The following FNDC3A variants were observed in gnomAD, a reference collection of about 807,000 sequenced individuals.
FNDC3A encodes the protein fibronectin type-III domain-containing protein 3A.
In FNDC3A, 32 loss-of-function variants were observed where a neutral mutation model predicts 148.9. The ratio of observed to expected loss-of-function variants is 0.21; its 90% CI spans 0.16 to 0.29. The LOEUF is 0.29. FNDC3A is among the 10% of genes least tolerant of loss of function. FNDC3A has a pLI of 1.00. For synonymous variants in FNDC3A, 472 were observed against 473.6 expected, an observed-to-expected ratio of 1.00 and a Z score of 0.04; for missense variants, 1,191 against 1,452.8, an observed-to-expected ratio of 0.82 and a Z score of 2.93.
intron 23 of FNDC3A, among the ~76,000 whole-genome samples, chr13:49,199,867 G>T (rs1022143508): frequency 1.3e-5 from 2 of 152,064 alleles, no homozygotes; most frequent in African/African-American, 4.8e-5. Context: ...ATTTCATTCA[G>T]GTTCTTTCTG....
intron 3 of FNDC3A, among the ~76,000 whole-genome samples, chr13:49,083,402 G>A (rs1306157860): frequency 1.3e-5 from 2 of 152,170 alleles, no homozygotes; most frequent in Non-Finnish European, 2.9e-5. Context: ...AATCCCATTT[G>A]CAAAAGGGAA....
intron 19 of FNDC3A, among the ~76,000 whole-genome samples, chr13:49,192,671 T>A (rs559464410): frequency 6.6e-6 from 1 of 152,322 alleles, no homozygotes; most frequent in East Asian, 1.9e-4. Context: ...AGAAGCCATC[T>A]TGTCAGCCTC....
chr13:49,174,432 T>C lies in FNDC3A; in HGVS notation c.1231-3T>C, dbSNP rs750198512. ...GTATATAATAATCAGCCATTTCTTG[T>C]AGGGAAAAGGAAATGGAGAATTTTG... On this transcript the variant is annotated splice_region_variant and splice_polypyrimidine_tract_variant and intron_variant, in intron 11 of 25. Transcript: ENST00000492622. The C allele has an allele frequency of 1.9e-6, 3 of 1,608,998 alleles. No homozygotes were observed. The highest frequency in any genetic ancestry group is 1.7e-5 in the Admixed American group (1 of 59,844).
At chr13:49,118,923 C>T (rs139921466) in intron 4 of FNDC3A, among the ~76,000 whole-genome samples, 5 of 152,278 alleles carry the variant, frequency 3.3e-5, no homozygotes, top group South Asian at 2.1e-4. Context: ...CAAGTGTGGG[C>T]ACAGCTTCAG....
chr13:49,098,056 C>T (rs989828134), intron 3 of FNDC3A, among the ~76,000 whole-genome samples: 8 of 152,006 alleles, frequency 5.3e-5, no homozygotes, highest in Non-Finnish European at 8.8e-5. Flanking sequence ...ATTCAGATGG[C>T]TAGTAGAACC....
intron 23 of FNDC3A, chr13:49,201,136 C>A: frequency 3.4e-6 from 1 of 294,702 alleles, no homozygotes. Context: ...ATTTTAGAAA[C>A]ATCCAATCAA....
At chr13:49,067,444 A>C (rs1877340022) in intron 2 of FNDC3A, among the ~76,000 whole-genome samples, 1 of 152,214 alleles carries the variant, frequency 6.6e-6, no homozygotes, top group South Asian at 2.1e-4. Flanking sequence ...CAGAATTTTG[A>C]GGAATCATTG....
chr13:49,047,023 T>C (rs901363885), intron 2 of FNDC3A, among the ~76,000 whole-genome samples: 3 of 151,906 alleles, frequency 2.0e-5, no homozygotes, highest in African/African-American at 7.3e-5. Context: ...GTCCCCTGAG[T>C]CCCCAAAATC....
At chr13:48,986,356 G>A (rs1302178279) in intron 1 of FNDC3A, among the ~76,000 whole-genome samples, 1 of 144,360 alleles carries the variant, frequency 6.9e-6, no homozygotes. Context: ...AGAAGCTTAA[G>A]AGGAAGACAG....
chr13:49,158,540 T>C (rs1379936923), intron 8 of FNDC3A, among the ~76,000 whole-genome samples: 1 of 152,196 alleles, frequency 6.6e-6, no homozygotes, highest in African/African-American at 2.4e-5. Flanking sequence ...CATCTTCGAT[T>C]GCAAAAATTT....
At chr13:49,037,252 G>C (rs549932947) in intron 2 of FNDC3A, among the ~76,000 whole-genome samples, 1 of 152,314 alleles carries the variant, frequency 6.6e-6, no homozygotes, top group African/African-American at 2.4e-5. Flanking sequence ...GCCAGTCACT[G>C]TTCTATGCAC....
chr13:49,115,247 A>G (rs1029004665), intron 4 of FNDC3A, among the ~76,000 whole-genome samples: 4 of 152,100 alleles, frequency 2.6e-5, no homozygotes, highest in Non-Finnish European at 5.9e-5. Context: ...TTTATGCATA[A>G]TGACTGGGAA....
chr13:49,110,381 C>T, intron 3 of FNDC3A: 1 of 1,611,600 alleles, frequency 6.2e-7, no homozygotes, highest in Non-Finnish European at 8.5e-7. Flanking sequence ...TTGTTCTCTG[C>T]TGCTACTGTA....
chr13:49,187,124 C>T lies in FNDC3A; in HGVS notation c.1759C>T (p.Pro587Ser), dbSNP rs778823230. The T allele has an allele frequency of 6.2e-6, 10 of 1,610,214 alleles. No homozygotes were observed. The highest frequency in any genetic ancestry group is 8.5e-6 in the Non-Finnish European group (10 of 1,177,508). ...TACTACTTTGCTTCTTTGGATAGAT[C>T]CACCAAAAGACAATGGCGGAGCAAC... ...HSHSFKITWD[P>S]PKDNGGATIN... is the part of the protein sequence containing the mutation. Residue 587 changes from proline (P) to serine (S), a missense_variant and splice_region_variant, in exon 16 of 26, where the codon CCA (proline) becomes TCA (serine). Physicochemically the swap from Pro to Ser is moderately conservative, Grantham distance 74 (BLOSUM62 -1). This residue lies in a region of FNDC3A where 751 missense variants were observed against 944.0 expected (regional missense o/e 0.80). Transcript: ENST00000492622.
At chr13:48,981,132 T>A (rs1441930463) in intron 1 of FNDC3A, among the ~76,000 whole-genome samples, 1 of 152,160 alleles carries the variant, frequency 6.6e-6, no homozygotes, top group Non-Finnish European at 1.5e-5. Context: ...CTTTTTAAAT[T>A]TTAGTTTAAG....
At chr13:49,192,720 T>C (rs1476169994) in intron 19 of FNDC3A, among the ~76,000 whole-genome samples, 1 of 152,220 alleles carries the variant, frequency 6.6e-6, no homozygotes, top group Non-Finnish European at 1.5e-5. Context: ...CTTTAATACT[T>C]ACGTCTTAAT....
intron 8 of FNDC3A, among the ~76,000 whole-genome samples, chr13:49,163,814 T>C (rs1297558072): frequency 6.6e-6 from 1 of 152,250 alleles, no homozygotes; most frequent in East Asian, 1.9e-4. Context: ...AAAGTTACTA[T>C]TGACACGTGA....
At chr13:48,992,878 TA>T (rs1295768266) in intron 1 of FNDC3A, among the ~76,000 whole-genome samples, 1 of 152,178 alleles carries the variant, frequency 6.6e-6, no homozygotes, top group African/African-American at 2.4e-5. Context: ...ACCAAGTAGT[TA>T]TAACAACTAC....
At position 48,978,721 on chromosome 13, in the gene FNDC3A, A is replaced by G. The variant is rs10454623; in HGVS notation, c.-40+2544A>G. Among the ~76,000 whole-genome samples the G allele has an allele frequency of 3.8e-3, 583 of 152,142 alleles. 3 individuals carry two copies. The highest frequency in any genetic ancestry group is 0.013 in the African/African-American group (546 of 41,514). On this transcript the variant is annotated intron_variant, in intron 1 of 25. Coordinates refer to ENST00000492622, the MANE Select transcript of FNDC3A (RefSeq NM_001079673.2). ...AGCGGACTTCAAATAAACTCACAAT[A>G]TTGTAATTCCGAAGGTTTAGAATAT...
Sources: allele counts gnomAD v4.1 joint callset (sites outside exome capture counted in the v4.1 genomes callset), GRCh38; gene constraint gnomAD v4.1.1; regional missense constraint gnomAD v4.1.1; transcripts MANE v1.5; gene names NCBI Gene and HGNC (gene_info 2026-07-23, HGNC 2026-07-21).